The following ATP6V1C1 variants were observed in gnomAD, a reference collection of about 807,000 sequenced individuals.
ATP6V1C1 encodes the protein ATPase H+ transporting V1 subunit C1, also known as V-type proton ATPase subunit C 1.
In ATP6V1C1, 45 loss-of-function variants were observed where a neutral mutation model predicts 53.9. The ratio of observed to expected loss-of-function variants is 0.83; its 90% CI spans 0.66 to 1.07. ATP6V1C1 has a LOEUF of 1.07. Among genes scored for constraint, ATP6V1C1 ranks in the 50% least tolerant of loss-of-function variants. The pLI is 0.00. For synonymous variants in ATP6V1C1, 153 were observed against 155.2 expected (o/e 0.99, Z 0.11); for missense variants, 315 against 440.3 (o/e 0.72, Z 2.55).
intron 1 of ATP6V1C1, among the ~76,000 whole-genome samples, chr8:103,024,048 GA>G (rs1449242872): frequency 6.6e-6 from 1 of 152,130 alleles, no homozygotes; most frequent in African/African-American, 2.4e-5. Context: ...TCATCTGGAG[GA>G]AATAATGAAC....
Position 103,071,158 on chromosome 8 carries a change from T to G in ATP6V1C1, c.*2411T>G, listed in dbSNP as rs528051709. On this transcript the variant is annotated 3_prime_UTR_variant, in exon 13 of 13. Transcript: ENST00000518738. ...CCAGTCTGTGCTGGATTATTGATAT[T>G]GTTGGTGGCGGTCACCATTCCTGGA... is the stretch of plus-strand genomic sequence containing the variant. 1 of 152,376 alleles carries G rather than the reference T, an allele frequency of 6.6e-6. No individual in the cohort carries two copies. Among genetic ancestry groups the G allele is most frequent in the East Asian group, 1.9e-4 (1 of 5,194 alleles). The allele number at this position is 152,376 out of a possible 1,614,324, so 9.4% of individuals were successfully genotyped here. A position where few individuals can be genotyped will look rare whatever the true frequency, so the allele number is the denominator to read the frequency against.
intron 2 of ATP6V1C1, among the ~76,000 whole-genome samples, chr8:103,041,392 C>A (rs1056255527): frequency 2.0e-5 from 3 of 152,100 alleles, no homozygotes; most frequent in African/African-American, 7.2e-5. Context: ...TTATTTAATC[C>A]GGTTAATCTA....
chr8:103,052,868 A>G, intron 6 of ATP6V1C1, 46 bp downstream of exon 6: 1 of 1,172,284 alleles, frequency 8.5e-7, no homozygotes, highest in Non-Finnish European at 1.2e-6. Context: ...GGGGAAGCAT[A>G]CTAGCATGCA....
At chr8:103,038,609 C>T (rs1208412857) in intron 1 of ATP6V1C1, among the ~76,000 whole-genome samples, 2 of 152,042 alleles carry the variant, frequency 1.3e-5, no homozygotes, top group African/African-American at 2.4e-5. Context: ...TAAGTCATTC[C>T]AGGAAGAAGC....
rs1266419578 is a variant in ATP6V1C1 at position 103,068,715 on chromosome 8, A to C, written c.1117A>C (p.Lys373Gln). ...AGAATACTACCCCTATGTGTACTAC[A>C]AGATTGATTGCAACTTGCTGGAATT... ...QQEYYPYVYY[K>Q]IDCNLLEFK Residue 373 changes from lysine (K) to glutamine (Q), a missense_variant, in exon 13 of 13, where the codon AAG becomes CAG. Physicochemically the swap from Lys to Gln is moderately conservative, Grantham distance 53 (BLOSUM62 1). Coordinates refer to ENST00000518738, the MANE Select transcript of ATP6V1C1 (RefSeq NM_001695.5). The C allele has an allele frequency of 6.8e-6, 11 of 1,610,374 alleles. No homozygotes were observed. Among genetic ancestry groups the C allele is most frequent in the Non-Finnish European group, 9.3e-6 (11 of 1,178,378 alleles).
intron 8 of ATP6V1C1, among the ~76,000 whole-genome samples, chr8:103,058,841 T>G (rs928142196): frequency 6.6e-6 from 1 of 152,246 alleles, no homozygotes; most frequent in Non-Finnish European, 1.5e-5. Flanking sequence ...GCTGTGAGGC[T>G]AAATGCAGCA....
In ATP6V1C1 at chr8:103,060,639, T is replaced by C. The variant is rs140534294; in HGVS notation, c.642-2316T>C. On this transcript the variant is annotated intron_variant, in intron 8 of 12. Transcript: ENST00000518738. Reference sequence around the variant, plus strand: ...ATGTTAAATGACTACAAGTCTGTTATAGTAAGGACTCGTGGTTTATTTTTT... The same window carrying C: ...ATGTTAAATGACTACAAGTCTGTTACAGTAAGGACTCGTGGTTTATTTTTT... 3.3e-3 allele frequency among the ~76,000 whole-genome samples: 509 copies of C among 152,382 alleles called. 3 individuals are homozygous for C. Among genetic ancestry groups the C allele is most frequent in the Middle Eastern group, 0.027 (8 of 294 alleles).
chr8:103,041,071 ACCT>A (rs760905825), intron 2 of ATP6V1C1, 103 bp downstream of exon 2: 81 of 1,285,218 alleles, frequency 6.3e-5, no homozygotes, highest in Non-Finnish European at 7.6e-5. Flanking sequence ...TCCAAAGAAA[ACCT>A]CCTCTCCAGC....
chr8:103,048,354 A>C lies in ATP6V1C1; in HGVS notation c.201-516A>C, dbSNP rs116919566. On this transcript the variant is annotated intron_variant, in intron 3 of 12. Transcript: ENST00000518738. Reference sequence around the variant, plus strand: ...TTCCTCTATAGCATAGCTCCTTGTAAATAGTAGATGCTCAATAAACAGTTA... The same window carrying C: ...TTCCTCTATAGCATAGCTCCTTGTACATAGTAGATGCTCAATAAACAGTTA... Among the ~76,000 whole-genome samples, 1,189 of 152,312 alleles carry C rather than the reference A, an allele frequency of 7.8e-3. 9 individuals are homozygous for C. The highest frequency in any genetic ancestry group is 0.013 in the Admixed American group (193 of 15,290).
At chr8:103,062,689 G>A (rs1171470277) in intron 8 of ATP6V1C1, among the ~76,000 whole-genome samples, 1 of 152,226 alleles carries the variant, frequency 6.6e-6, no homozygotes, top group Non-Finnish European at 1.5e-5. Flanking sequence ...GTGGTTCTTA[G>A]CGTTTGGATG....
intron 3 of ATP6V1C1, among the ~76,000 whole-genome samples, chr8:103,045,087 C>T (rs1817071399): frequency 6.6e-6 from 1 of 152,288 alleles, no homozygotes; most frequent in Non-Finnish European, 1.5e-5. Context: ...AGTTTAGATA[C>T]ACAGGTGTAA....
At chr8:103,062,330 C>G (rs192255243) in intron 8 of ATP6V1C1, among the ~76,000 whole-genome samples, 156 of 152,006 alleles carry the variant, frequency 1.0e-3, no homozygotes, top group African/African-American at 3.1e-3. Flanking sequence ...ACCATCACGC[C>G]TGGCTAGTTT....
intron 8 of ATP6V1C1, among the ~76,000 whole-genome samples, chr8:103,061,242 A>G (rs1371915940): frequency 6.6e-6 from 1 of 152,180 alleles, no homozygotes; most frequent in Non-Finnish European, 1.5e-5. Context: ...TTTTCTCTGC[A>G]TGTCAGCGAT....
intron 5 of ATP6V1C1, among the ~76,000 whole-genome samples, chr8:103,052,320 GA>G (rs1382655694): frequency 6.6e-6 from 1 of 151,984 alleles, no homozygotes; most frequent in Non-Finnish European, 1.5e-5. Context: ...TAATTTCATA[GA>G]AAAATACTCT....
At chr8:103,036,241 T>G (rs1816897314) in intron 1 of ATP6V1C1, among the ~76,000 whole-genome samples, 1 of 152,140 alleles carries the variant, frequency 6.6e-6, no homozygotes, top group Non-Finnish European at 1.5e-5. Context: ...ACTACTAACC[T>G]CTCTGTGTAT....
At position 103,058,863 on chromosome 8, in the gene ATP6V1C1, T is replaced by C. The variant is rs187279374; in HGVS notation, c.641+2927T>C. On this transcript the variant is annotated intron_variant, in intron 8 of 12. Coordinates refer to ENST00000518738, the MANE Select transcript of ATP6V1C1 (RefSeq NM_001695.5). ...GGCTAAATGCAGCAATGTGTATAAA[T>C]GCCATGCCAAGGCTGTGGCCAAAGA... Among the ~76,000 whole-genome samples the C allele has an allele frequency of 3.2e-3, 485 of 152,302 alleles. 2 individuals carry two copies. Among genetic ancestry groups the C allele is most frequent in the African/African-American group, 0.011 (465 of 41,560 alleles).
At chr8:103,064,551 A>G in intron 10 of ATP6V1C1, 163 bp from the exon 11 acceptor site, 1 of 539,066 alleles carries the variant, frequency 1.9e-6, no homozygotes, top group Middle Eastern at 4.9e-4. Flanking sequence ...ATTTAAGATA[A>G]GGTATCTGAG....
chr8:103,063,153 C>G lies in ATP6V1C1; in HGVS notation c.753C>G (p.Phe251Leu). 6.2e-7 allele frequency: 1 copy of G among 1,612,878 alleles called. No homozygotes were observed. Among genetic ancestry groups the G allele is most frequent in the South Asian group, 1.1e-5 (1 of 90,986 alleles). Residue 251 changes from phenylalanine (F) to leucine (L), a missense_variant, in exon 10 of 13, where the codon TTC (phenylalanine) becomes TTG (leucine). Physicochemically the swap from Phe to Leu is conservative, Grantham distance 22. Coordinates refer to ENST00000518738, the MANE Select transcript of ATP6V1C1 (RefSeq NM_001695.5). ...ARENKFIVRD[F>L]QYNEEEMKAD... ...AATTTAGATTCATTGTTCGTGACTTCCAGTATAATGAAGAGGAGATGAAAG... is the reference window on the plus strand; with the variant it reads ...AATTTAGATTCATTGTTCGTGACTTGCAGTATAATGAAGAGGAGATGAAAG...
chr8:103,028,606 A>C (rs1284278016), intron 1 of ATP6V1C1, among the ~76,000 whole-genome samples: 1 of 152,222 alleles, frequency 6.6e-6, no homozygotes, highest in African/African-American at 2.4e-5. Flanking sequence ...TCAGGTAGTG[A>C]GTATAGGAGC....
Sources: gnomAD v4.1 joint callset for allele counts (sites outside exome capture counted in the v4.1 genomes callset) on GRCh38, gnomAD v4.1.1 for gene constraint, MANE v1.5 for transcripts, NCBI Gene and HGNC (gene_info 2026-07-23, HGNC 2026-07-21) for gene names.